The following XKR9 variants were observed in gnomAD, a reference collection of about 807,000 sequenced individuals.
XKR9 encodes XK-related protein 9.
A neutral mutation model predicts 32.0 loss-of-function variants in XKR9; 32 were observed. The ratio of observed to expected loss-of-function variants is 1.00; its 90% CI spans 0.76 to 1.34. The LOEUF (loss-of-function observed/expected upper bound fraction) is 1.34. XKR9 is among the 40% of genes most tolerant of loss of function. The pLI, the probability that XKR9 is intolerant of heterozygous loss-of-function variation, is 0.00. For synonymous variants in XKR9, 168 were observed against 143.4 expected, an observed-to-expected ratio of 1.17 and a Z score of -1.22; for missense variants, 546 against 429.7, an observed-to-expected ratio of 1.27 and a Z score of -2.39.
chr8:70,915,848 A>C, the XKR9 span, among the ~76,000 whole-genome samples: 4 of 152,194 alleles, frequency 2.6e-5, no homozygotes, highest in Non-Finnish European at 4.4e-5. Context: ...CTGTAGAGAA[A>C]AATCTGCATT....
Position 70,785,140 on chromosome 8 carries a change from G to A in XKR9, n.353-4199G>A, listed in dbSNP as rs528252298. ...CAGCAGTGAAGTCATCAGGTCCTAG[G>A]CTTTTCTTTGATGGGAGACTTTTTA... On this transcript the variant is annotated intron_variant and non_coding_transcript_variant, in intron 2 of 3. Transcript: ENST00000520273. Among the ~76,000 whole-genome samples the A allele has an allele frequency of 2.0e-5, 3 of 151,940 alleles. No homozygotes were observed. In the South Asian group the frequency reaches 6.2e-4, roughly 31 times the overall value.
At chr8:70,684,624 C>T (rs1318838213) in intron 3 of XKR9, among the ~76,000 whole-genome samples, 1 of 151,372 alleles carries the variant, frequency 6.6e-6, no homozygotes, top group African/African-American at 2.4e-5. Context: ...CCAGAATCTA[C>T]AATGAACTCA....
chr8:70,947,881 T>C, the XKR9 span, among the ~76,000 whole-genome samples: 1 of 152,236 alleles, frequency 6.6e-6, no homozygotes, highest in African/African-American at 2.4e-5. Context: ...TCCACTCATC[T>C]AGTAGTTGGG....
At chr8:70,741,456 A>T (rs144922910) in intron 2 of XKR9, among the ~76,000 whole-genome samples, 10 of 152,338 alleles carry the variant, frequency 6.6e-5, no homozygotes, top group African/African-American at 2.2e-4. Flanking sequence ...TATTCAGCGG[A>T]AAACAGACTG....
chr8:70,836,884 A>G, the XKR9 span, among the ~76,000 whole-genome samples: 2,413 of 152,168 alleles, frequency 0.016, 59 homozygotes, highest in African/African-American at 0.056. Flanking sequence ...TACTGGTTCA[A>G]CATATTATTT....
chr8:70,725,016 A>G (rs1002987672), intron 4 of XKR9, among the ~76,000 whole-genome samples: 2 of 152,202 alleles, frequency 1.3e-5, no homozygotes, highest in Non-Finnish European at 1.5e-5. Flanking sequence ...ATCATGGCAG[A>G]CGGGGAAGCA....
chr8:70,932,172 TATTA>T, the XKR9 span, among the ~76,000 whole-genome samples: 1 of 151,694 alleles, frequency 6.6e-6, no homozygotes. Flanking sequence ...ATATTGTTAT[TATTA>T]ATTAATATAG....
the XKR9 span, among the ~76,000 whole-genome samples, chr8:70,931,036 T>C: frequency 2.0e-3 from 303 of 152,286 alleles, 1 homozygote; most frequent in African/African-American, 7.0e-3. Flanking sequence ...CTCTTGGTAG[T>C]AGACTTCGTG....
At chr8:70,693,267 A>G (rs937757024) in intron 3 of XKR9, among the ~76,000 whole-genome samples, 1 of 152,008 alleles carries the variant, frequency 6.6e-6, no homozygotes, top group African/African-American at 2.4e-5. Flanking sequence ...TAGGGTCTTT[A>G]TTTGAAGCTG....
At chr8:70,834,199 T>C in the XKR9 span, among the ~76,000 whole-genome samples, 1 of 152,026 alleles carries the variant, frequency 6.6e-6, no homozygotes, top group African/African-American at 2.4e-5. Flanking sequence ...TTATAAAAAT[T>C]TTATCTGATA....
the XKR9 span, among the ~76,000 whole-genome samples, chr8:70,798,792 T>G: frequency 6.6e-6 from 1 of 152,230 alleles, no homozygotes; most frequent in Non-Finnish European, 1.5e-5. Flanking sequence ...TAGCAGCATT[T>G]ATTGAATAGG....
intron 2 of XKR9, chr8:70,678,123 C>T (rs577299522): frequency 1.4e-4 from 22 of 152,264 alleles, no homozygotes; most frequent in African/African-American, 5.1e-4. Flanking sequence ...TTTCACTACT[C>T]AAATGCCACC....
chr8:70,805,357 T>C, the XKR9 span, among the ~76,000 whole-genome samples: 4 of 152,182 alleles, frequency 2.6e-5, no homozygotes, highest in East Asian at 5.8e-4. Flanking sequence ...CTCAACAGTC[T>C]AGCAGCTGGA....
At chr8:70,918,341 G>A in the XKR9 span, among the ~76,000 whole-genome samples, 2 of 152,244 alleles carry the variant, frequency 1.3e-5, no homozygotes, top group East Asian at 3.9e-4. Context: ...TGGGAACATG[G>A]GTGCAGACTT....
the XKR9 span, among the ~76,000 whole-genome samples, chr8:70,977,823 T>C: frequency 3.2e-4 from 49 of 152,348 alleles, no homozygotes; most frequent in Admixed American, 2.9e-3. Flanking sequence ...CTGTCTAATA[T>C]TGACAGTGGG....
At chr8:70,927,238 A>G in the XKR9 span, among the ~76,000 whole-genome samples, 1 of 151,858 alleles carries the variant, frequency 6.6e-6, no homozygotes, top group Non-Finnish European at 1.5e-5. Flanking sequence ...AGCAGCCAGG[A>G]GTGGTTTAAG....
In XKR9 at chr8:70,734,071, A is replaced by C; in HGVS notation, c.769A>C (p.Ile257Leu). 3 of 1,613,122 alleles carry C rather than the reference A, an allele frequency of 1.9e-6. No individual in the cohort carries two copies. The highest frequency in any genetic ancestry group is 2.5e-6 in the Non-Finnish European group (3 of 1,179,328). The change falls in exon 5 of 5, where the codon ATA becomes CTA. Residue 257 changes from isoleucine to leucine, a missense_variant. Physicochemically the swap from Ile to Leu is conservative, Grantham distance 5 (BLOSUM62 2). Coordinates refer to ENST00000408926, the MANE Select transcript of XKR9 (RefSeq NM_001011720.2). ...AAACAACACCCAGTTTTGTACTTGT[A>C]TAAGTATGGAATTCTTATATAGGAT... is the stretch of plus-strand genomic sequence containing the variant. ...FKNNTQFCTC[I>L]SMEFLYRIVV...
chr8:70,986,109 C>T, the XKR9 span, among the ~76,000 whole-genome samples: 14 of 152,162 alleles, frequency 9.2e-5, no homozygotes, highest in Non-Finnish European at 1.3e-4. Context: ...GAAAAGTGAA[C>T]ATGTGTTAAG....
chr8:70,859,246 A>C, the XKR9 span, among the ~76,000 whole-genome samples: 1 of 152,162 alleles, frequency 6.6e-6, no homozygotes, highest in Non-Finnish European at 1.5e-5. Context: ...GATATATGAA[A>C]AAATTTACCA....
Sources: gnomAD v4.1 joint callset for allele counts (sites outside exome capture counted in the v4.1 genomes callset) on GRCh38, gnomAD v4.1.1 for gene constraint, MANE v1.5 for transcripts, NCBI Gene and HGNC (gene_info 2026-07-23, HGNC 2026-07-21) for gene names.